RASGRF1: variants seen among roughly 807,000 people sequenced by gnomAD.
The protein encoded by RASGRF1 is Ras protein specific guanine nucleotide releasing factor 1.
In RASGRF1, 40 loss-of-function variants were observed where a neutral mutation model predicts 138.7. The ratio of observed to expected loss-of-function variants is 0.29; its 90% CI spans 0.22 to 0.38. The LOEUF is 0.38. Among genes scored for constraint, RASGRF1 ranks in the 10% least tolerant of loss-of-function variants. The pLI is 1.00. For missense variants in RASGRF1, 1,108 were observed against 1,650.4 expected, an observed-to-expected ratio of 0.67 and a Z score of 5.69; for synonymous variants, 614 against 663.2, an observed-to-expected ratio of 0.93 and a Z score of 1.14.
chr15:79,017,664 T>C (rs2056898568), intron 12 of RASGRF1, 106 bp downstream of exon 12: 1 of 1,345,608 alleles, frequency 7.4e-7, no homozygotes, highest in Non-Finnish European at 1.0e-6. Flanking sequence ...TGTAGAACAG[T>C]GCAGCTACTC....
rs78615548 is a variant in RASGRF1, at chr15:79,002,429, C to T, written c.2450-642G>A. Reference sequence around the variant, plus strand: ...ACTGCTCTGGGCCTCAGTTTACCCACGTAGAAAGTGGATGTAGTTGCATCT... The same window carrying T: ...ACTGCTCTGGGCCTCAGTTTACCCATGTAGAAAGTGGATGTAGTTGCATCT... On this transcript the variant is annotated intron_variant, in intron 15 of 26. Coordinates refer to ENST00000558480, the MANE Select transcript of RASGRF1 (RefSeq NM_001145648.3). Among the ~76,000 whole-genome samples, 333 of 152,270 alleles carry T rather than the reference C, an allele frequency of 2.2e-3. 3 individuals are homozygous for T. The highest frequency in any genetic ancestry group is 7.5e-3 in the African/African-American group (312 of 41,554).
At chr15:78,988,921 A>G (rs1181075976) in intron 22 of RASGRF1, among the ~76,000 whole-genome samples, 2 of 147,800 alleles carry the variant, frequency 1.4e-5, no homozygotes, top group Non-Finnish European at 3.0e-5. Context: ...ACCAGTTAGG[A>G]GACCTCAGCA....
chr15:78,990,362 C>T, intron 21 of RASGRF1, 89 bp from the exon 22 acceptor site: 1 of 889,654 alleles, frequency 1.1e-6, no homozygotes, highest in Admixed American at 2.1e-5. Context: ...TATTTTTTGG[C>T]TTTTTGAGGC....
At position 79,090,603 on chromosome 15, in the gene RASGRF1, G is replaced by C. The variant is rs533779016; in HGVS notation, c.-105C>G. ...GCCTCTCTCTGGCGCTCGCTCGCTC[G>C]CTCCCTCTAGCTCTCCCCTCCCCCC... On this transcript the variant is annotated 5_prime_UTR_variant, in exon 1 of 27. Coordinates refer to ENST00000558480, the MANE Select transcript of RASGRF1 (RefSeq NM_001145648.3). 3.5e-6 allele frequency: 5 copies of C among 1,446,274 alleles called. No individual in the cohort carries two copies. The highest frequency in any genetic ancestry group is 1.9e-5 in the Admixed American group (1 of 52,620). 89.6% of individuals were successfully genotyped at this position (1,446,274 alleles called of 1,614,324 possible).
At chr15:79,002,874 C>T (rs1183138236) in intron 15 of RASGRF1, among the ~76,000 whole-genome samples, 1 of 152,206 alleles carries the variant, frequency 6.6e-6, no homozygotes, top group African/African-American at 2.4e-5. Flanking sequence ...AAATCCTTCC[C>T]TCTTCAAAGG....
intron 6 of RASGRF1, among the ~76,000 whole-genome samples, chr15:79,033,380 C>CTACAG (rs2057169469): frequency 1.3e-5 from 2 of 151,778 alleles, no homozygotes; most frequent in African/African-American, 4.8e-5. Context: ...GTAGCTGGGA[C>CTACAG]TACAGGTGTG....
At chr15:79,053,244 G>A (rs985745471) in intron 3 of RASGRF1, among the ~76,000 whole-genome samples, 5 of 152,014 alleles carry the variant, frequency 3.3e-5, no homozygotes, top group African/African-American at 2.4e-5. Context: ...CAGCCTGGGC[G>A]ACAAGATCGA....
In RASGRF1 at chr15:79,004,122, T is replaced by C; in HGVS notation, c.2129A>G (p.Glu710Gly). The change falls in exon 15 of 27, where the codon GAA becomes GGA. Residue 710 changes from glutamate (E) to glycine (G), a missense_variant. This residue lies in a region of RASGRF1 where 686 missense variants were observed against 976.7 expected (regional missense o/e 0.70). Transcript: ENST00000558480. ...GGTGGCGCGCGGGGACTTGGGGGGT[T>C]CACCGTACAGGAGCTTATTGTTCTG... Reference protein sequence around the residue: ...SGQNNKLLYGEPPKSPRATRK... With the variant: ...SGQNNKLLYGGPPKSPRATRK... 1.2e-6 allele frequency: 2 copies of C among 1,612,760 alleles called. No individual in the cohort carries two copies. Among genetic ancestry groups the C allele is most frequent in the South Asian group, 1.1e-5 (1 of 90,896 alleles).
chr15:79,051,266 TC>T (rs1369096633), intron 3 of RASGRF1, among the ~76,000 whole-genome samples: 1 of 152,200 alleles, frequency 6.6e-6, no homozygotes, highest in Admixed American at 6.5e-5. Context: ...TTACCCGCTC[TC>T]CACTCCCTGG....
At chr15:79,008,782 C>G (rs79878831) in intron 13 of RASGRF1, among the ~76,000 whole-genome samples, 1 of 152,112 alleles carries the variant, frequency 6.6e-6, no homozygotes, top group Non-Finnish European at 1.5e-5. Flanking sequence ...AAGTAGCAAA[C>G]GAGAGAAGCC....
At chr15:78,974,653 G>A (rs151231180) in intron 24 of RASGRF1, among the ~76,000 whole-genome samples, 191 of 152,268 alleles carry the variant, frequency 1.3e-3, no homozygotes, top group African/African-American at 4.4e-3. Flanking sequence ...CAGGGAGAGC[G>A]CCTCATTTGG....
At chr15:79,088,708 G>A (rs1379782825) in intron 1 of RASGRF1, among the ~76,000 whole-genome samples, 1 of 152,214 alleles carries the variant, frequency 6.6e-6, no homozygotes, top group Non-Finnish European at 1.5e-5. Flanking sequence ...GGGTATATGG[G>A]TAGACACTGG....
At chr15:79,048,902 C>A (rs918347448) in intron 4 of RASGRF1, among the ~76,000 whole-genome samples, 1 of 152,210 alleles carries the variant, frequency 6.6e-6, no homozygotes, top group Non-Finnish European at 1.5e-5. Context: ...ACACAGCCCA[C>A]GCTCCTTCCC....
In RASGRF1 at chr15:78,978,215, C is replaced by CTTTTTTTTTT. The variant is rs2055915117; in HGVS notation, c.3494+2404_3494+2405insAAAAAAAAAA. On this transcript the variant is annotated intron_variant, in intron 24 of 26. Coordinates refer to ENST00000558480, the MANE Select transcript of RASGRF1 (RefSeq NM_001145648.3). ...TTTTTCTTCTTTTTCTTTTTCTTTTCTTTTGTTTTTTTTTTTTTTTTTTTT... is the reference window on the plus strand; with the variant it reads ...TTTTTCTTCTTTTTCTTTTTCTTTTCTTTTTTTTTTTTTTGTTTTTTTTTTTTTTTTTTTT... Among the ~76,000 whole-genome samples, 77 of 79,322 alleles carry CTTTTTTTTTT rather than the reference C, an allele frequency of 9.7e-4. 2 individuals are homozygous for CTTTTTTTTTT. Among genetic ancestry groups the CTTTTTTTTTT allele is most frequent in the African/African-American group, 3.8e-3 (75 of 19,598 alleles). The allele number at this position is 79,322 out of a possible 152,430, so 52.0% of individuals were successfully genotyped here.
At position 79,027,798 on chromosome 15, in the gene RASGRF1, T is replaced by C. The variant is rs2057080953; in HGVS notation, c.1324A>G (p.Met442Val). Reference sequence around the variant, plus strand: ...AGGATCTCACAGCCTTCGATGATCATGCGCTCGATGGCCAGGTTTTTCCGG... The same window carrying C: ...AGGATCTCACAGCCTTCGATGATCACGCGCTCGATGGCCAGGTTTTTCCGG... ...NIRKNLAIER[M>V]IIEGCEILLD... The change falls in exon 9 of 27, where the codon ATG (methionine) becomes GTG (valine). Residue 442 changes from methionine to valine, a missense_variant. This residue lies in a region of RASGRF1 where 169 missense variants were observed against 344.2 expected (regional missense o/e 0.49). Transcript: ENST00000558480. The surrounding 1 kb of genome is among the most constrained non-coding windows in gnomAD (Gnocchi z 4.8). 6.2e-7 allele frequency: 1 copy of C among 1,614,140 alleles called. No homozygotes were observed. Among genetic ancestry groups the C allele is most frequent in the Non-Finnish European group, 8.5e-7 (1 of 1,180,060 alleles).
At chr15:79,029,202 A>G (rs2057102743) in intron 8 of RASGRF1, among the ~76,000 whole-genome samples, 1 of 152,190 alleles carries the variant, frequency 6.6e-6, no homozygotes, top group East Asian at 1.9e-4. Flanking sequence ...TGGGAGCCTC[A>G]GTTTCCCCCT....
In RASGRF1 at chr15:79,003,850, C is replaced by T. The variant is rs113161554; in HGVS notation, c.2401G>A (p.Asp801Asn). The T allele has an allele frequency of 2.4e-3, 3,820 of 1,613,254 alleles. 6 individuals are homozygous for T. Among genetic ancestry groups the T allele is most frequent in the Non-Finnish European group, 2.8e-3 (3,279 of 1,179,738 alleles). Reference sequence around the variant, plus strand: ...TCTTCGGGCTTCTCAGGGGTCGTATCGCCCTCATCTGGAATCTTGTTGGTG... The same window carrying T: ...TCTTCGGGCTTCTCAGGGGTCGTATTGCCCTCATCTGGAATCTTGTTGGTG... Reference protein sequence around the residue: ...SFTNKIPDEGDTTPEKPEDPS... With the variant: ...SFTNKIPDEGNTTPEKPEDPS... Residue 801 changes from aspartate to asparagine, a missense_variant, in exon 15 of 27, where the codon GAT (aspartate) becomes AAT (asparagine). Asp to Asn is a conservative substitution (Grantham distance 23). Around this residue, in one of 3 missense-constraint regions of RASGRF1, gnomAD observed 686 missense variants for 976.7 expected, o/e 0.70. Transcript: ENST00000558480.
At chr15:79,069,410 G>A (rs1035283533) in intron 1 of RASGRF1, among the ~76,000 whole-genome samples, 10 of 152,198 alleles carry the variant, frequency 6.6e-5, no homozygotes, top group South Asian at 6.2e-4. Context: ...GCAAGACCCC[G>A]TTTGCTGTCT....
At position 79,050,988 on chromosome 15, in the gene RASGRF1, T is replaced by C. The variant is rs545253951; in HGVS notation, c.532-1400A>G. 1.2e-4 allele frequency among the ~76,000 whole-genome samples: 19 copies of C among 152,354 alleles called. No individual in the cohort carries two copies. The highest frequency in any genetic ancestry group is 2.2e-4 in the Non-Finnish European group (15 of 68,034). On this transcript the variant is annotated intron_variant, in intron 3 of 26. Coordinates refer to ENST00000558480, the MANE Select transcript of RASGRF1 (RefSeq NM_001145648.3). The surrounding 1 kb of genome is among the most constrained non-coding windows in gnomAD (Gnocchi z 4.1). ...GCAAGGTTGGGCACTCAACACATTC[T>C]TGTTGTCTACACAAATAAGTGAATT...
Sources: allele counts gnomAD v4.1 joint callset (sites outside exome capture counted in the v4.1 genomes callset), GRCh38; gene constraint gnomAD v4.1.1; regional missense constraint gnomAD v4.1.1; non-coding constraint Gnocchi (gnomAD v3.1); transcripts MANE v1.5; gene names NCBI Gene and HGNC (gene_info 2026-07-23, HGNC 2026-07-21).